The following TNPO1 variants were observed in gnomAD, a reference collection of about 807,000 sequenced individuals.
TNPO1 encodes transportin-1.
In TNPO1, 8 loss-of-function variants were observed where a neutral mutation model predicts 119.5. That is an observed-to-expected ratio of 0.07 (90% CI 0.04 to 0.12). TNPO1 has a LOEUF of 0.12. TNPO1 is among the 10% of genes least tolerant of loss of function. The pLI is 1.00. For synonymous variants in TNPO1, 362 were observed against 363.0 expected, an observed-to-expected ratio of 1.00 and a Z score of 0.03; for missense variants, 576 against 1,089.8, an observed-to-expected ratio of 0.53 and a Z score of 6.64.
At position 72,867,971 on chromosome 5, in the gene TNPO1, T is replaced by A. The variant is rs115315581; in HGVS notation, c.596+2242T>A. Among the ~76,000 whole-genome samples, 763 of 152,314 alleles carry A rather than the reference T, an allele frequency of 5.0e-3. 5 individuals carry two copies. The highest frequency in any genetic ancestry group is 0.024 in the Middle Eastern group (7 of 294). On this transcript the variant is annotated intron_variant, in intron 6 of 24. Transcript: ENST00000337273. ...TTAATGATGTTGAAGATCTTGTATGTTTATTGCCTTTATCTTGTTGTTGTC... is the reference window on the plus strand; with the variant it reads ...TTAATGATGTTGAAGATCTTGTATGATTATTGCCTTTATCTTGTTGTTGTC...
At chr5:72,824,358 GTACTTGCTATTGC>G (rs1168690581) in intron 1 of TNPO1, among the ~76,000 whole-genome samples, 1 of 152,146 alleles carries the variant, frequency 6.6e-6, no homozygotes, top group Non-Finnish European at 1.5e-5. Flanking sequence ...ATAGTTGTCT[GTACTTGCTATTGC>G]CAAGTTCTCT....
intron 1 of TNPO1, among the ~76,000 whole-genome samples, chr5:72,835,491 G>A (rs775769647): frequency 6.6e-6 from 1 of 152,186 alleles, no homozygotes; most frequent in Non-Finnish European, 1.5e-5. Context: ...CCACATGGAC[G>A]AAGGGATGTG....
intron 20 of TNPO1, among the ~76,000 whole-genome samples, chr5:72,899,416 T>A (rs984760142): frequency 1.3e-5 from 2 of 152,134 alleles, no homozygotes; most frequent in Non-Finnish European, 2.9e-5. Flanking sequence ...TGATGTAAGG[T>A]AACAAATTTC....
At position 72,911,519 on chromosome 5, in the gene TNPO1, G is replaced by A. The variant is rs1295857279; in HGVS notation, c.*2846G>A. On this transcript the variant is annotated 3_prime_UTR_variant, in exon 25 of 25. Coordinates refer to ENST00000337273, the MANE Select transcript of TNPO1 (RefSeq NM_002270.4). ...CCATTTAAGTTATCTTTTGAGGTAA[G>A]CTCTGATTTAGCATTTATTCTGATA... 2 of 152,444 alleles carry A rather than the reference G, an allele frequency of 1.3e-5. No individual in the cohort carries two copies. Among genetic ancestry groups the A allele is most frequent in the Admixed American group, 1.3e-4 (2 of 15,258 alleles). 9.4% of individuals were successfully genotyped at this position (152,444 alleles called of 1,614,324 possible).
intron 7 of TNPO1, among the ~76,000 whole-genome samples, chr5:72,873,604 T>C (rs1191689928): frequency 6.6e-6 from 1 of 152,156 alleles, no homozygotes; most frequent in Non-Finnish European, 1.5e-5. Context: ...CTGTGTTTGA[T>C]ACTAGGGATA....
At chr5:72,880,110 C>T (rs186123272) in intron 9 of TNPO1, among the ~76,000 whole-genome samples, 2 of 152,144 alleles carry the variant, frequency 1.3e-5, no homozygotes, top group African/African-American at 2.4e-5. Flanking sequence ...TCACTTGAAC[C>T]CAGGAGGCAG....
chr5:72,865,721 A>G lies in TNPO1; in HGVS notation c.588A>G (p.Pro196=). ...KFLQFFKHSS[P]KIRSHAVACV... Reference sequence around the variant, plus strand: ...TACAGTTCTTCAAGCATAGTAGTCCAAAAATAAGGTACTTATATTGCCAGT... The same window carrying G: ...TACAGTTCTTCAAGCATAGTAGTCCGAAAATAAGGTACTTATATTGCCAGT... The change falls in exon 6 of 25, where the codon CCA becomes CCG. Residue 196 remains proline (P), a synonymous_variant. Transcript: ENST00000337273. 6.2e-7 allele frequency: 1 copy of G among 1,613,042 alleles called. No homozygotes were observed. The highest frequency in any genetic ancestry group is 8.5e-7 in the Non-Finnish European group (1 of 1,179,566).
At chr5:72,853,411 A>G (rs1174954407) in intron 3 of TNPO1, among the ~76,000 whole-genome samples, 1 of 152,244 alleles carries the variant, frequency 6.6e-6, no homozygotes, top group African/African-American at 2.4e-5. Context: ...ACTGCACTCC[A>G]GTGTACTTAA....
chr5:72,865,588 T>C lies in TNPO1; in HGVS notation c.463-8T>C. ...CAAATTCTGATAATTTAAATGTGTC[T>C]CTTACAGGGAGCATTTGGTGCCCTT... On this transcript the variant is annotated splice_region_variant and splice_polypyrimidine_tract_variant and intron_variant, in intron 5 of 24. Transcript: ENST00000337273. The C allele has an allele frequency of 6.2e-7, 1 of 1,610,776 alleles. No individual in the cohort carries two copies. The highest frequency in any genetic ancestry group is 8.5e-7 in the Non-Finnish European group (1 of 1,179,506).
intron 20 of TNPO1, among the ~76,000 whole-genome samples, chr5:72,897,962 T>C (rs1344036396): frequency 6.6e-6 from 1 of 152,134 alleles, no homozygotes; most frequent in African/African-American, 2.4e-5. Flanking sequence ...TTTTAAATTA[T>C]AGAAAGTTCA....
chr5:72,822,908 CTTTTTTTTTTTTTT>C (rs56331096), intron 1 of TNPO1, among the ~76,000 whole-genome samples: 2 of 76,080 alleles, frequency 2.6e-5, no homozygotes, highest in African/African-American at 5.2e-5. Flanking sequence ...TGGGTCTACA[CTTTTTTTTTTTTTT>C]TTTTTTTTTT....
chr5:72,888,145 T>C lies in TNPO1; in HGVS notation c.1371T>C (p.Asp457=), dbSNP rs1748790548. Residue 457 remains aspartate, a synonymous_variant, in exon 13 of 25, where the codon GAT becomes GAC. Transcript: ENST00000337273. ...LIPHLIQCLS[D]KKALVRSITC... is the part of the protein sequence containing the mutation. ...CTCACCTTATTCAGTGCCTCTCTGA[T>C]AAAAAGGCTCTTGTGCGTTCCATAA... The C allele has an allele frequency of 1.2e-6, 2 of 1,614,164 alleles. No homozygotes were observed.
rs1750350370 is a variant in TNPO1, at chr5:72,908,725, G to A, written c.*52G>A. ...TTCTTATAGGTCCTTCAGTCTTGGA[G>A]ACTATAAGGGAGCCTCTGCACCCAG... is the stretch of plus-strand genomic sequence containing the variant. On this transcript the variant is annotated 3_prime_UTR_variant, in exon 25 of 25. Coordinates refer to ENST00000337273, the MANE Select transcript of TNPO1 (RefSeq NM_002270.4). 1 of 161,644 alleles carries A rather than the reference G, an allele frequency of 6.2e-6. No individual in the cohort carries two copies. The highest frequency in any genetic ancestry group is 1.4e-4 in the South Asian group (1 of 7,054). The allele number at this position is 161,644 out of a possible 1,614,324, so 10.0% of individuals were successfully genotyped here.
chr5:72,903,648 A>G, intron 22 of TNPO1, 61 bp from the exon 23 acceptor site: 4 of 1,119,164 alleles, frequency 3.6e-6, no homozygotes, highest in Non-Finnish European at 5.3e-6. Flanking sequence ...GTTTACATAT[A>G]TCTTTTGCTG....
chr5:72,889,854 C>A lies in TNPO1; in HGVS notation c.1598C>A (p.Thr533Asn). 1 of 1,613,384 alleles carries A rather than the reference C, an allele frequency of 6.2e-7. No individual in the cohort carries two copies. Among genetic ancestry groups the A allele is most frequent in the Non-Finnish European group, 8.5e-7 (1 of 1,179,760 alleles). ...LVPYLAYILD[T>N]LVFAFSKYQH... is the part of the protein sequence containing the mutation. Reference sequence around the variant, plus strand: ...CCTTACCTTGCTTATATACTTGATACCCTGGTCTTTGCATTTAGTAAATAC... The same window carrying A: ...CCTTACCTTGCTTATATACTTGATAACCTGGTCTTTGCATTTAGTAAATAC... The change falls in exon 14 of 25, where the codon ACC becomes AAC. Residue 533 changes from threonine to asparagine, a missense_variant. Physicochemically the swap from Thr to Asn is moderately conservative, Grantham distance 65. Around this residue, in one of 6 missense-constraint regions of TNPO1, gnomAD observed 310 missense variants for 583.0 expected, o/e 0.53. Coordinates refer to ENST00000337273, the MANE Select transcript of TNPO1 (RefSeq NM_002270.4).
rs1749758406 is a variant in TNPO1, at chr5:72,900,911, A to G, written c.2415-63A>G. The stretch of plus-strand genomic sequence containing the variant: ...GTGCTTATTCCATTAAATACTGTCC[A>G]TTAGTATTGTCATTGAATCTGCTTG... On this transcript the variant is annotated intron_variant, in intron 21 of 24. Coordinates refer to ENST00000337273, the MANE Select transcript of TNPO1 (RefSeq NM_002270.4). 3.7e-6 allele frequency: 4 copies of G among 1,092,546 alleles called. No homozygotes were observed. In the South Asian group the frequency reaches 4.1e-5, roughly 11 times the overall value. 67.7% of individuals were successfully genotyped at this position (1,092,546 alleles called of 1,614,324 possible). A position where few individuals can be genotyped will look rare whatever the true frequency, so the allele number is the denominator to read the frequency against.
chr5:72,872,686 A>G lies in TNPO1; in HGVS notation c.644A>G (p.Gln215Arg). The change falls in exon 7 of 25, where the codon CAA becomes CGA. Residue 215 changes from glutamine (Q) to arginine (R), a missense_variant. Around this residue, in one of 6 missense-constraint regions of TNPO1, gnomAD observed 310 missense variants for 583.0 expected, o/e 0.53. Coordinates refer to ENST00000337273, the MANE Select transcript of TNPO1 (RefSeq NM_002270.4). Reference sequence around the variant, plus strand: ...AATCAGTTTATCATCAGTAGGACTCAAGCTCTAATGTTGCACATTGATTCT... The same window carrying G: ...AATCAGTTTATCATCAGTAGGACTCGAGCTCTAATGTTGCACATTGATTCT... The part of the protein sequence containing the change: ...CVNQFIISRT[Q>R]ALMLHIDSFI... 1.2e-6 allele frequency: 2 copies of G among 1,610,580 alleles called. No individual in the cohort carries two copies. Among genetic ancestry groups the G allele is most frequent in the Non-Finnish European group, 8.5e-7 (1 of 1,178,402 alleles).
intron 4 of TNPO1, among the ~76,000 whole-genome samples, chr5:72,858,791 C>T (rs1349765932): frequency 6.6e-6 from 1 of 151,540 alleles, no homozygotes; most frequent in Non-Finnish European, 1.5e-5. Context: ...GAGCCAGGAT[C>T]GCGCCATTGC....
At chr5:72,861,981 G>A (rs1746491134) in intron 5 of TNPO1, 67 bp downstream of exon 5, 1 of 1,229,932 alleles carries the variant, frequency 8.1e-7, no homozygotes, top group African/African-American at 1.5e-5. Context: ...TGTATTAGCA[G>A]CTTTTGGGAA....
Sources: allele counts gnomAD v4.1 joint callset (sites outside exome capture counted in the v4.1 genomes callset), GRCh38; gene constraint gnomAD v4.1.1; regional missense constraint gnomAD v4.1.1; transcripts MANE v1.5; gene names NCBI Gene and HGNC (gene_info 2026-07-23, HGNC 2026-07-21).